CAST: variants seen among roughly 807,000 people sequenced by gnomAD.
CAST encodes MIR583 host.
CAST carries 76 observed loss-of-function variants against 119.6 expected under a neutral mutation model. The ratio of observed to expected loss-of-function variants is 0.64; its 90% CI spans 0.53 to 0.77. The LOEUF (loss-of-function observed/expected upper bound fraction) is 0.77. Among genes scored for constraint, CAST ranks in the 30% least tolerant of loss-of-function variants. The probability of loss-of-function intolerance (pLI) is 0.00; values close to 1 mark genes in which losing one functional copy is unlikely to be tolerated. For synonymous variants in CAST, 319 were observed against 331.6 expected (o/e 0.96, Z 0.41); for missense variants, 953 against 946.5 (o/e 1.01, Z -0.09).
chr5:96,680,233 T>C (rs781704713), intron 2 of CAST, among the ~76,000 whole-genome samples: 89 of 151,364 alleles, frequency 5.9e-4, no homozygotes, highest in Admixed American at 1.4e-3. Context: ...TGGGCGCCTA[T>C]AGTCCCAGCT....
At chr5:96,312,924 T>G in the CAST span, among the ~76,000 whole-genome samples, 580 of 152,214 alleles carry the variant, frequency 3.8e-3, 3 homozygotes, top group African/African-American at 0.013. Flanking sequence ...AACTAGGACC[T>G]CTCTAGCTTC....
the CAST span, among the ~76,000 whole-genome samples, chr5:96,387,230 C>A: frequency 6.6e-6 from 1 of 152,098 alleles, no homozygotes; most frequent in African/African-American, 2.4e-5. Flanking sequence ...ACATTTTTGG[C>A]CCTTTAATGA....
intron 3 of CAST, among the ~76,000 whole-genome samples, chr5:96,708,760 C>G (rs1185595590): frequency 6.6e-6 from 1 of 152,156 alleles, no homozygotes; most frequent in African/African-American, 2.4e-5. Context: ...TTCTTCACCT[C>G]TATTTCTTTC....
At chr5:96,292,044 C>T in the CAST span, among the ~76,000 whole-genome samples, 1 of 152,106 alleles carries the variant, frequency 6.6e-6, no homozygotes, top group Non-Finnish European at 1.5e-5. Flanking sequence ...TTTTTTCACC[C>T]TTCTCCTTAG....
the CAST span, among the ~76,000 whole-genome samples, chr5:96,143,712 G>A: frequency 6.6e-6 from 1 of 152,084 alleles, no homozygotes; most frequent in Non-Finnish European, 1.5e-5. Context: ...CTGTGAATGA[G>A]GATTTGGACA....
chr5:96,261,735 CAAA>C, the CAST span, among the ~76,000 whole-genome samples: 1 of 149,222 alleles, frequency 6.7e-6, no homozygotes, highest in Non-Finnish European at 1.5e-5. Context: ...GCTAGTGGAA[CAAA>C]AAAAAAGGCC....
the CAST span, among the ~76,000 whole-genome samples, chr5:96,365,957 G>A: frequency 6.6e-6 from 1 of 152,144 alleles, no homozygotes; most frequent in Non-Finnish European, 1.5e-5. Context: ...TTTTTGCAGT[G>A]GCTGGTACCA....
chr5:96,753,072 C>A (rs111718204), intron 20 of CAST, among the ~76,000 whole-genome samples: 2 of 151,958 alleles, frequency 1.3e-5, no homozygotes, highest in African/African-American at 4.8e-5. Flanking sequence ...CGGCTCACTG[C>A]AACCTCAACC....
At chr5:96,738,503 C>T (rs966319170) in intron 11 of CAST, among the ~76,000 whole-genome samples, 3 of 152,152 alleles carry the variant, frequency 2.0e-5, no homozygotes, top group African/African-American at 4.8e-5. Context: ...ACACGGTCCA[C>T]TGGGTCACAC....
the CAST span, among the ~76,000 whole-genome samples, chr5:96,075,360 T>G: frequency 2.6e-5 from 4 of 152,216 alleles, no homozygotes; most frequent in South Asian, 2.1e-4. Flanking sequence ...ATCATCTACA[T>G]GTTTTCCTAT....
At chr5:96,672,678 G>T (rs946589608) in intron 1 of CAST, among the ~76,000 whole-genome samples, 2 of 128,702 alleles carry the variant, frequency 1.6e-5, no homozygotes, top group African/African-American at 6.2e-5. Context: ...CTGCTCTCCA[G>T]CCTGGGTGAC....
At chr5:95,979,916 G>A in the CAST span, among the ~76,000 whole-genome samples, 1 of 152,174 alleles carries the variant, frequency 6.6e-6, no homozygotes, top group African/African-American at 2.4e-5. Context: ...TCAGGAGTTT[G>A]AGACCAGCCT....
At chr5:96,425,664 G>A in the CAST span, among the ~76,000 whole-genome samples, 2 of 151,118 alleles carry the variant, frequency 1.3e-5, no homozygotes, top group Non-Finnish European at 2.9e-5. Context: ...AGAAGAGGCA[G>A]ATCAAGAAGA....
At chr5:96,433,458 A>C in the CAST span, among the ~76,000 whole-genome samples, 23 of 152,284 alleles carry the variant, frequency 1.5e-4, 1 homozygote, top group African/African-American at 5.3e-4. Flanking sequence ...TCTGCCCATA[A>C]ATTCTGTACC....
the CAST span, among the ~76,000 whole-genome samples, chr5:96,279,156 C>T: frequency 0.49 from 74,988 of 151,988 alleles, 20,037 homozygotes; most frequent in African/African-American, 0.69. Context: ...AGGATCTCTG[C>T]AGGAATGGAA....
the CAST span, among the ~76,000 whole-genome samples, chr5:96,509,518 G>T: frequency 6.6e-6 from 1 of 152,166 alleles, no homozygotes; most frequent in Non-Finnish European, 1.5e-5. Flanking sequence ...ACAACAAAAG[G>T]TAAGCAGGAT....
At chr5:96,453,484 C>T in the CAST span, among the ~76,000 whole-genome samples, 1 of 152,086 alleles carries the variant, frequency 6.6e-6, no homozygotes, top group South Asian at 2.1e-4. Context: ...CAAGAGTGGA[C>T]TAATATAAAA....
chr5:95,984,445 A>G, the CAST span, among the ~76,000 whole-genome samples: 1 of 152,156 alleles, frequency 6.6e-6, no homozygotes, highest in Non-Finnish European at 1.5e-5. Context: ...TGAAGCTTAC[A>G]GTAAGTGACC....
intron 1 of CAST, among the ~76,000 whole-genome samples, chr5:96,559,297 A>C (rs1027243881): frequency 3.9e-5 from 6 of 152,086 alleles, no homozygotes; most frequent in South Asian, 4.1e-4. Context: ...AAAACTGGCT[A>C]AAGACAGGGA....
Sources: allele counts gnomAD v4.1 joint callset (sites outside exome capture counted in the v4.1 genomes callset), GRCh38; gene constraint gnomAD v4.1.1; transcripts MANE v1.5; gene names NCBI Gene and HGNC (gene_info 2026-07-23, HGNC 2026-07-21).